Variants in PCDH7 observed in about 807,000 individuals in gnomAD.
PCDH7 encodes the protein protocadherin-7.
PCDH7 carries 17 observed loss-of-function variants against 58.9 expected under a neutral mutation model. The ratio of observed to expected loss-of-function variants is 0.29; its 90% confidence interval spans 0.20 to 0.43. The LOEUF is 0.43. PCDH7 is among the 20% of genes least tolerant of loss of function. PCDH7 has a pLI of 1.00. For synonymous variants in PCDH7, 664 were observed against 616.4 expected (o/e 1.08, Z -1.14); for missense variants, 1,274 against 1,441.0 (o/e 0.88, Z 1.88).
chr4:31,037,857 T>G (rs908840754), intron 3 of PCDH7, among the ~76,000 whole-genome samples: 2 of 152,168 alleles, frequency 1.3e-5, no homozygotes, highest in African/African-American at 4.8e-5. Context: ...AATAGTATGG[T>G]GAAAGAAGGA....
At chr4:30,896,049 C>T (rs944708631) in intron 1 of PCDH7, among the ~76,000 whole-genome samples, 1 of 152,072 alleles carries the variant, frequency 6.6e-6, no homozygotes, top group Admixed American at 6.6e-5. Context: ...CTACATAAAC[C>T]CTGAGGAGGT....
rs552246870 is a variant in PCDH7, at chr4:30,726,849, C to T, written c.3174+2253C>T. ...TCTCCTCAATATTGCTGTCAGGGGA[C>T]AAGGGATCCATTTACAAAGTTACAT... On this transcript the variant is annotated intron_variant, in intron 1 of 1. Coordinates refer to ENST00000361762, the Ensembl canonical transcript of PCDH7. Among the ~76,000 whole-genome samples, 221 of 152,006 alleles carry T rather than the reference C, an allele frequency of 1.5e-3. 1 individual carries two copies. Among genetic ancestry groups the T allele is most frequent in the African/African-American group, 5.1e-3 (211 of 41,530 alleles).
At chr4:30,969,888 T>C (rs1749401907) in intron 3 of PCDH7, among the ~76,000 whole-genome samples, 1 of 152,226 alleles carries the variant, frequency 6.6e-6, no homozygotes, top group Non-Finnish European at 1.5e-5. Flanking sequence ...TAAGCCTCTC[T>C]TTCCATAGAT....
Position 30,954,800 on chromosome 4 carries a change from A to G in PCDH7, c.*7+4585A>G, listed in dbSNP as rs1747684926. Among the ~76,000 whole-genome samples the G allele has an allele frequency of 2.6e-5, 4 of 152,318 alleles. No individual in the cohort carries two copies. The South Asian group carries it at 8.3e-4, about 32-fold the overall frequency. ...CAGAATATGGAAGACTAGGAATTTT[A>G]TAAATTGAGATTTTGTTCTAGGTTT... On this transcript the variant is annotated intron_variant, in intron 3 of 3. Coordinates refer to the PCDH7 transcript ENST00000509759.
At chr4:30,908,739 A>T (rs990920268) in intron 1 of PCDH7, among the ~76,000 whole-genome samples, 1 of 152,086 alleles carries the variant, frequency 6.6e-6, no homozygotes, top group Non-Finnish European at 1.5e-5. Flanking sequence ...TTCTGAAACT[A>T]TTCCAAACAA....
exon 2 of PCDH7, chr4:30,732,069 G>A (rs1715583991): frequency 6.6e-6 from 1 of 152,252 alleles, no homozygotes; most frequent in Non-Finnish European, 1.5e-5. Context: ...CATTGGAAGT[G>A]ATAGGAAATG....
chr4:31,097,896 T>G (rs1189238500), intron 3 of PCDH7, among the ~76,000 whole-genome samples: 4 of 152,086 alleles, frequency 2.6e-5, no homozygotes, highest in South Asian at 4.1e-4. Context: ...ATACTAAAGA[T>G]GTAGGCCACT....
intron 1 of PCDH7, among the ~76,000 whole-genome samples, chr4:30,866,828 T>C (rs1327599183): frequency 6.6e-6 from 1 of 152,144 alleles, no homozygotes; most frequent in Non-Finnish European, 1.5e-5. Context: ...GAAACCCTTC[T>C]GCAGCCATTA....
chr4:31,108,369 T>TTA (rs1715844369), intron 3 of PCDH7, among the ~76,000 whole-genome samples: 1 of 60,070 alleles, frequency 1.7e-5, no homozygotes, highest in Non-Finnish European at 3.7e-5. Context: ...CAGCATACAG[T>TTA]AAAAAAAAAA....
chr4:30,833,327 C>T (rs1480380340), intron 1 of PCDH7, among the ~76,000 whole-genome samples: 5 of 152,078 alleles, frequency 3.3e-5, no homozygotes, highest in African/African-American at 1.2e-4. Context: ...TTGCCTCTTT[C>T]AGCTTCTAGA....
At chr4:30,863,601 A>C (rs1002180538) in intron 1 of PCDH7, among the ~76,000 whole-genome samples, 10 of 152,140 alleles carry the variant, frequency 6.6e-5, no homozygotes, top group African/African-American at 2.4e-4. Flanking sequence ...CGTATCTTAC[A>C]GCATAAAAGC....
At chr4:30,897,595 A>C (rs571375654) in intron 1 of PCDH7, among the ~76,000 whole-genome samples, 1 of 152,308 alleles carries the variant, frequency 6.6e-6, no homozygotes, top group East Asian at 1.9e-4. Context: ...ATTGATTACA[A>C]GTTTTTCGAA....
At chr4:30,798,283 A>C (rs1311528749) in intron 1 of PCDH7, among the ~76,000 whole-genome samples, 2 of 152,222 alleles carry the variant, frequency 1.3e-5, no homozygotes, top group Non-Finnish European at 1.5e-5. Context: ...AATAACTTTC[A>C]TGACGGCACA....
intron 1 of PCDH7, among the ~76,000 whole-genome samples, chr4:30,835,397 C>G (rs1225847373): frequency 6.6e-6 from 1 of 152,010 alleles, no homozygotes; most frequent in Non-Finnish European, 1.5e-5. Flanking sequence ...TGTGAAGGAT[C>G]TAGGTGGCAT....
intron 1 of PCDH7, among the ~76,000 whole-genome samples, chr4:30,900,917 A>G (rs1354925913): frequency 6.6e-6 from 1 of 152,216 alleles, no homozygotes; most frequent in Non-Finnish European, 1.5e-5. Flanking sequence ...TTGAGGGGCA[A>G]CATATGTCTT....
intron 3 of PCDH7, among the ~76,000 whole-genome samples, chr4:31,056,602 GGA>G (rs200443037): frequency 0.017 from 2,470 of 147,436 alleles, 71 homozygotes; most frequent in African/African-American, 0.059. Flanking sequence ...AGGAAGGAAA[GGA>G]GAGAGAGAGA....
chr4:30,883,445 T>C (rs1371575308), intron 1 of PCDH7, among the ~76,000 whole-genome samples: 1 of 152,162 alleles, frequency 6.6e-6, no homozygotes, highest in African/African-American at 2.4e-5. Context: ...TGAATCAGTA[T>C]GTATTTGTTT....
chr4:30,929,906 A>G (rs530730315), intron 2 of PCDH7, among the ~76,000 whole-genome samples: 6 of 152,320 alleles, frequency 3.9e-5, no homozygotes, highest in Admixed American at 3.3e-4. Flanking sequence ...CCTAGCAGCT[A>G]TAGCTGAAAT....
At chr4:31,130,121 T>C (rs1169410230) in intron 3 of PCDH7, among the ~76,000 whole-genome samples, 1 of 152,184 alleles carries the variant, frequency 6.6e-6, no homozygotes, top group Non-Finnish European at 1.5e-5. Context: ...TTACGTCAAA[T>C]TCTCTTCTCT....
Sources: gnomAD v4.1 joint callset for allele counts (sites outside exome capture counted in the v4.1 genomes callset) on GRCh38, gnomAD v4.1.1 for gene constraint, MANE v1.5 for transcripts, NCBI Gene and HGNC (gene_info 2026-07-23, HGNC 2026-07-21) for gene names.